The following DOCK10 variants were observed in gnomAD, a reference collection of about 807,000 sequenced individuals.
DOCK10 encodes the protein dedicator of cytokinesis protein 10.
A neutral mutation model predicts 280.1 loss-of-function variants in DOCK10; 145 were observed. That is an observed-to-expected ratio of 0.52 (90% confidence interval 0.45 to 0.59). DOCK10 has a LOEUF of 0.59. DOCK10 is among the 20% of genes least tolerant of loss of function. The pLI is 0.00. For synonymous variants in DOCK10, 915 were observed against 942.2 expected (o/e 0.97, Z 0.53); for missense variants, 2,368 against 2,651.7 (o/e 0.89, Z 2.35).
intron 14 of DOCK10, among the ~76,000 whole-genome samples, chr2:224,859,960 C>T (rs1171319129): frequency 6.6e-6 from 1 of 152,174 alleles, no homozygotes; most frequent in African/African-American, 2.4e-5. Flanking sequence ...AGTGGTCTGA[C>T]ATGGTATCTT....
intron 50 of DOCK10, among the ~76,000 whole-genome samples, chr2:224,779,926 G>A (rs1691188149): frequency 6.6e-6 from 1 of 152,106 alleles, no homozygotes. Flanking sequence ...GGTGGGAAAT[G>A]TGTCTTCAAC....
chr2:224,793,599 T>C (rs909072863), intron 45 of DOCK10, 142 bp from the exon 46 acceptor site: 8 of 578,162 alleles, frequency 1.4e-5, no homozygotes, highest in African/African-American at 1.4e-4. Context: ...CAAGGATCAA[T>C]TGTATTTCCA....
At chr2:224,845,177 A>G (rs1380338091) in intron 21 of DOCK10, 26 bp downstream of exon 21, 1 of 1,553,610 alleles carries the variant, frequency 6.4e-7, no homozygotes, top group Non-Finnish European at 8.7e-7. Flanking sequence ...CTTTTTTAAA[A>G]TCTTAAATTA....
chr2:225,017,110 CA>C (rs11402421), intron 1 of DOCK10, among the ~76,000 whole-genome samples: 99 of 138,242 alleles, frequency 7.2e-4, no homozygotes, highest in South Asian at 1.1e-3. Context: ...AAAATTAAAC[CA>C]AAAAAAAAAA....
chr2:224,933,829 G>T (rs1191981841), intron 1 of DOCK10, among the ~76,000 whole-genome samples: 1 of 152,116 alleles, frequency 6.6e-6, no homozygotes, highest in African/African-American at 2.4e-5. Context: ...AATGACATAT[G>T]GATGTTTTGA....
chr2:224,954,806 A>T (rs561124019), intron 1 of DOCK10, among the ~76,000 whole-genome samples: 1 of 152,244 alleles, frequency 6.6e-6, no homozygotes, highest in South Asian at 2.1e-4. Context: ...AAAGTAATCA[A>T]CTCCAAAGCA....
intron 2 of DOCK10, among the ~76,000 whole-genome samples, chr2:224,926,316 T>C (rs1430641416): frequency 2.0e-5 from 3 of 152,212 alleles, no homozygotes; most frequent in Non-Finnish European, 4.4e-5. Context: ...GAATCAGACA[T>C]TGTGTTGGGT....
At chr2:224,990,633 ACTCTT>A (rs1407795388) in intron 1 of DOCK10, among the ~76,000 whole-genome samples, 5 of 151,728 alleles carry the variant, frequency 3.3e-5, no homozygotes, top group African/African-American at 1.2e-4. Flanking sequence ...AAATCTCCTT[ACTCTT>A]CTTTTCCCGG....
At chr2:224,783,517 G>A (rs973835540) in intron 50 of DOCK10, among the ~76,000 whole-genome samples, 1 of 151,952 alleles carries the variant, frequency 6.6e-6, no homozygotes, top group Non-Finnish European at 1.5e-5. Context: ...CTTGTGATCT[G>A]CCCACCTCGG....
chr2:224,870,645 CCT>C (rs1018002833), intron 11 of DOCK10, among the ~76,000 whole-genome samples: 1 of 151,846 alleles, frequency 6.6e-6, no homozygotes, highest in East Asian at 1.9e-4. Flanking sequence ...AACAGCCATC[CCT>C]GTTTAGTCTT....
intron 3 of DOCK10, among the ~76,000 whole-genome samples, chr2:224,907,117 C>T (rs11677647): frequency 0.39 from 58,705 of 152,052 alleles, 12,175 homozygotes; most frequent in Admixed American, 0.5. Context: ...TTTATGCCAC[C>T]GGATTCACAG....
chr2:225,002,149 G>A (rs56296748), intron 1 of DOCK10, among the ~76,000 whole-genome samples: 2,699 of 152,260 alleles, frequency 0.018, 83 homozygotes, highest in African/African-American at 0.062. Context: ...TATTTCAAAT[G>A]TGAAAGGCTA....
chr2:224,836,879 G>A (rs1298853997), intron 25 of DOCK10, among the ~76,000 whole-genome samples: 3 of 151,414 alleles, frequency 2.0e-5, no homozygotes, highest in African/African-American at 2.4e-5. Context: ...GATTACAGGC[G>A]TGAGCCACCA....
intron 50 of DOCK10, among the ~76,000 whole-genome samples, chr2:224,784,481 A>T (rs1056761521): frequency 2.0e-5 from 3 of 152,246 alleles, no homozygotes; most frequent in Admixed American, 6.5e-5. Flanking sequence ...AGGCTTTCAG[A>T]CTACATCTAC....
intron 52 of DOCK10, among the ~76,000 whole-genome samples, chr2:224,773,937 G>A (rs1218080503): frequency 1.3e-5 from 2 of 152,048 alleles, no homozygotes; most frequent in African/African-American, 4.8e-5. Context: ...CCAGCCTTTA[G>A]AATTTCTAAA....
At chr2:225,013,859 T>TGC (rs1559959336) in intron 1 of DOCK10, among the ~76,000 whole-genome samples, 1 of 152,080 alleles carries the variant, frequency 6.6e-6, no homozygotes, top group Non-Finnish European at 1.5e-5. Context: ...CTCTGGGGTG[T>TGC]GCGTGTGTGT....
intron 1 of DOCK10, chr2:224,983,513 A>T (rs1705854224): frequency 4.6e-6 from 1 of 216,500 alleles, no homozygotes; most frequent in Non-Finnish European, 9.6e-6. Flanking sequence ...TCAAAGAAAA[A>T]AAAATGTTTT....
chr2:224,982,088 G>C, intron 1 of DOCK10: 9 of 674,172 alleles, frequency 1.3e-5, no homozygotes, highest in Non-Finnish European at 1.9e-5. Flanking sequence ...GTACTTCAGA[G>C]TAGTAAACTC....
At chr2:224,867,989 T>G (rs1450049480) in intron 11 of DOCK10, among the ~76,000 whole-genome samples, 1 of 152,134 alleles carries the variant, frequency 6.6e-6, no homozygotes, top group Non-Finnish European at 1.5e-5. Context: ...GGCAGTTGGA[T>G]GTGTGTTTTG....
Sources: allele counts gnomAD v4.1 joint callset (sites outside exome capture counted in the v4.1 genomes callset), GRCh38; gene constraint gnomAD v4.1.1; transcripts MANE v1.5; gene names NCBI Gene and HGNC (gene_info 2026-07-23, HGNC 2026-07-21).